The following SPON1 variants were observed in gnomAD, a reference collection of about 807,000 sequenced individuals.
The protein encoded by SPON1 is spondin 1, also known as spondin-1.
Under a neutral mutation model 111.7 loss-of-function variants are expected in SPON1, and 52 were observed. That is an observed-to-expected ratio of 0.47 (90% CI 0.37 to 0.59). The LOEUF (loss-of-function observed/expected upper bound fraction) is 0.59. SPON1 is among the 20% of genes least tolerant of loss of function. The pLI, the probability that SPON1 is intolerant of heterozygous loss-of-function variation, is 0.00. For missense variants in SPON1, 957 were observed against 1,068.5 expected (o/e 0.90, Z 1.46); for synonymous variants, 410 against 395.8 (o/e 1.04, Z -0.43).
At chr11:14,258,010 G>A (rs1849129610) in intron 11 of SPON1, 112 bp downstream of exon 11, 2 of 1,019,066 alleles carry the variant, frequency 2.0e-6, no homozygotes, top group Non-Finnish European at 2.7e-6. Flanking sequence ...GACAGTAGAT[G>A]TCAGTGGGGT....
intron 1 of SPON1, 73 bp from the exon 2 acceptor site, chr11:13,982,774 A>T (rs1848153978): frequency 5.8e-6 from 6 of 1,026,302 alleles, no homozygotes; most frequent in African/African-American, 4.8e-5. Flanking sequence ...TGGAGAACTC[A>T]GGTCTATCCC....
intron 6 of SPON1, among the ~76,000 whole-genome samples, chr11:14,240,698 T>C (rs1848916022): frequency 1.3e-5 from 2 of 151,926 alleles, no homozygotes; most frequent in Non-Finnish European, 2.9e-5. Context: ...AGAATTTAAC[T>C]GTAAAGCAAG....
At chr11:14,072,588 G>A (rs1728066854) in intron 3 of SPON1, among the ~76,000 whole-genome samples, 1 of 152,094 alleles carries the variant, frequency 6.6e-6, no homozygotes, top group Non-Finnish European at 1.5e-5. Context: ...TCGAAAGTCT[G>A]CAACCCGGGA....
At chr11:14,026,577 G>A (rs1848519787) in intron 2 of SPON1, among the ~76,000 whole-genome samples, 2 of 152,180 alleles carry the variant, frequency 1.3e-5, no homozygotes, top group African/African-American at 4.8e-5. Flanking sequence ...TCAAGGCGAG[G>A]GGGTGGGGGA....
At chr11:14,110,517 T>C (rs782690357) in intron 5 of SPON1, among the ~76,000 whole-genome samples, 2 of 152,168 alleles carry the variant, frequency 1.3e-5, no homozygotes, top group Non-Finnish European at 2.9e-5. Flanking sequence ...TGAAGTCCTA[T>C]GATAAGCTAG....
chr11:14,242,849 C>A (rs984153561), intron 6 of SPON1, among the ~76,000 whole-genome samples: 1 of 152,226 alleles, frequency 6.6e-6, no homozygotes, highest in Non-Finnish European at 1.5e-5. Context: ...CCAAGGGAGT[C>A]TGATCCAGCG....
intron 6 of SPON1, among the ~76,000 whole-genome samples, chr11:14,217,897 G>A (rs1554937273): frequency 6.6e-6 from 1 of 152,140 alleles, no homozygotes; most frequent in Non-Finnish European, 1.5e-5. Context: ...CACTGTCTAG[G>A]TCAATGGTTC....
chr11:14,221,574 A>G (rs2133906982), intron 6 of SPON1, among the ~76,000 whole-genome samples: 1 of 126,946 alleles, frequency 7.9e-6, no homozygotes, highest in Admixed American at 7.6e-5. Flanking sequence ...GGCGAAAGCC[A>G]GATTTCCACT....
intron 1 of SPON1, among the ~76,000 whole-genome samples, chr11:13,976,842 T>C (rs1314439022): frequency 6.6e-6 from 1 of 152,216 alleles, no homozygotes; most frequent in African/African-American, 2.4e-5. Flanking sequence ...TCTGCCTCCA[T>C]GTTGCACTCC....
chr11:14,116,719 A>G (rs554320892), intron 5 of SPON1, among the ~76,000 whole-genome samples: 3 of 152,134 alleles, frequency 2.0e-5, no homozygotes, highest in Non-Finnish European at 4.4e-5. Flanking sequence ...GCATTTCTGC[A>G]TAAATGTTAG....
At chr11:14,066,357 G>A (rs1380489200) in intron 3 of SPON1, among the ~76,000 whole-genome samples, 2 of 152,092 alleles carry the variant, frequency 1.3e-5, no homozygotes, top group Non-Finnish European at 2.9e-5. Flanking sequence ...ATTTCAACCA[G>A]AGGAAGAAAA....
intron 6 of SPON1, among the ~76,000 whole-genome samples, chr11:14,238,299 G>T (rs552490027): frequency 6.6e-6 from 1 of 152,114 alleles, no homozygotes; most frequent in African/African-American, 2.4e-5. Context: ...CCACACTGAG[G>T]TCTGAGCCTC....
intron 2 of SPON1, among the ~76,000 whole-genome samples, chr11:13,990,749 T>C (rs538863317): frequency 1.3e-5 from 2 of 152,286 alleles, no homozygotes; most frequent in East Asian, 3.9e-4. Context: ...TTTCAGGAGC[T>C]CTTGTAAGGC....
intron 14 of SPON1, among the ~76,000 whole-genome samples, 152 bp downstream of exon 14, chr11:14,260,904 A>C (rs1167707794): frequency 6.6e-6 from 1 of 152,194 alleles, no homozygotes; most frequent in African/African-American, 2.4e-5. Flanking sequence ...GCAGTTACTT[A>C]AACACTGCAG....
intron 5 of SPON1, among the ~76,000 whole-genome samples, chr11:14,085,822 C>G (rs1486059142): frequency 6.6e-6 from 1 of 151,988 alleles, no homozygotes; most frequent in Non-Finnish European, 1.5e-5. Flanking sequence ...CTCTTATTTC[C>G]TTGAGCAGTG....
chr11:14,125,207 C>A (rs1554926892), intron 5 of SPON1, among the ~76,000 whole-genome samples: 1 of 152,240 alleles, frequency 6.6e-6, no homozygotes, highest in Admixed American at 6.5e-5. Flanking sequence ...TGTCAGAAAC[C>A]AGGCAGGTTC....
At chr11:14,175,314 A>C (rs1174449382) in intron 6 of SPON1, among the ~76,000 whole-genome samples, 1 of 152,200 alleles carries the variant, frequency 6.6e-6, no homozygotes, top group Non-Finnish European at 1.5e-5. Context: ...TGGATGGTGG[A>C]AATCAAAAGA....
intron 6 of SPON1, among the ~76,000 whole-genome samples, chr11:14,204,186 G>C (rs1848493044): frequency 6.6e-6 from 1 of 152,242 alleles, no homozygotes; most frequent in Middle Eastern, 3.2e-3. Context: ...CTCGGGCCAA[G>C]GCTTCCACAG....
At chr11:14,013,312 G>A (rs543806292) in intron 2 of SPON1, among the ~76,000 whole-genome samples, 1 of 152,266 alleles carries the variant, frequency 6.6e-6, no homozygotes, top group South Asian at 2.1e-4. Flanking sequence ...GGGGAACATA[G>A]AGACTGTGAA....
Sources: gnomAD v4.1 joint callset for allele counts (sites outside exome capture counted in the v4.1 genomes callset) on GRCh38, gnomAD v4.1.1 for gene constraint, MANE v1.5 for transcripts, NCBI Gene and HGNC (gene_info 2026-07-23, HGNC 2026-07-21) for gene names.